USP9X: variants seen among roughly 807,000 people sequenced by gnomAD.
USP9X encodes ubiquitin carboxyl-terminal hydrolase 9X.
Under a neutral mutation model 190.3 loss-of-function variants are expected in USP9X, and 7 were observed. The ratio of observed to expected loss-of-function variants is 0.04; its 90% CI spans 0.02 to 0.07. USP9X has a LOEUF of 0.07. Ranked by LOEUF, USP9X falls within the 10% of genes least tolerant of loss-of-function variation. The pLI, the probability that USP9X is intolerant of heterozygous loss-of-function variation, is 1.00. For missense variants in USP9X, 1,010 were observed against 1,916.9 expected (o/e 0.53, Z 8.83); for synonymous variants, 645 against 659.5 (o/e 0.98, Z 0.34).
intron 1 of USP9X, among the ~76,000 whole-genome samples, chrX:41,100,679 T>A (rs1453722441): frequency 9.0e-6 from 1 of 111,423 alleles, no homozygotes; most frequent in Non-Finnish European, 1.9e-5. Flanking sequence ...GGAGTTTTGC[T>A]CTTGTCACCT....
chrX:41,129,167 A>G, intron 3 of USP9X, 22 bp downstream of exon 3: 1 of 1,196,925 alleles, frequency 8.4e-7, no homozygotes. Context: ...TGTAACACCC[A>G]AGAAAGAGAG....
intron 1 of USP9X, among the ~76,000 whole-genome samples, chrX:41,093,767 A>G (rs149367914): frequency 2.8e-3 from 315 of 112,384 alleles, no homozygotes; most frequent in African/African-American, 9.8e-3. Flanking sequence ...AGTGAATGCA[A>G]TAATTAGAAT....
Position 41,216,465 on chromosome X carries a change from A to T in USP9X, c.5898A>T (p.Ile1966=), listed in dbSNP as rs771783379. The change falls in exon 35 of 45, where the codon ATA becomes ATT. Residue 1966 remains isoleucine, a synonymous_variant. Transcript: ENST00000378308. ...MDTIDQDDEL[I]RYISELAITT... ...CAATAGACCAAGATGATGAGTTGATAAGATATATATCAGAGCTTGCTATCA... is the reference window on the plus strand; with the variant it reads ...CAATAGACCAAGATGATGAGTTGATTAGATATATATCAGAGCTTGCTATCA... 6.8e-5 allele frequency: 82 copies of T among 1,209,417 alleles called. 1 individual carries two copies. The Admixed American group carries it at 1.7e-3, about 26-fold the overall frequency.
intron 39 of USP9X, 150 bp downstream of exon 39, chrX:41,223,552 C>T (rs2063284010): frequency 5.4e-6 from 3 of 550,522 alleles, no homozygotes; most frequent in African/African-American, 4.8e-5. Context: ...ATTCTCCTGC[C>T]TCAGCCTCCC....
chrX:41,184,880 A>C, intron 23 of USP9X: 1 of 363,376 alleles, frequency 2.8e-6, no homozygotes. Flanking sequence ...CTCCCTGCCC[A>C]CTTAAATCTT....
chrX:41,115,451 T>C (rs2062141823), intron 1 of USP9X, among the ~76,000 whole-genome samples: 1 of 111,886 alleles, frequency 8.9e-6, no homozygotes, highest in South Asian at 3.7e-4. Context: ...TAGGCAAAAT[T>C]CACAAGTCAA....
At chrX:41,210,893 G>A (rs1362612178) in intron 33 of USP9X, among the ~76,000 whole-genome samples, 1 of 111,066 alleles carries the variant, frequency 9.0e-6, no homozygotes, top group Non-Finnish European at 1.9e-5. Flanking sequence ...TACTCTGCCT[G>A]ATCTCTTAGC....
intron 5 of USP9X, among the ~76,000 whole-genome samples, chrX:41,135,252 A>G (rs1382287210): frequency 9.0e-6 from 1 of 111,412 alleles, no homozygotes; most frequent in African/African-American, 3.3e-5. Flanking sequence ...TGAACTTGCT[A>G]TGCAGAAAGG....
intron 1 of USP9X, among the ~76,000 whole-genome samples, chrX:41,106,269 T>C (rs1169250326): frequency 9.0e-6 from 1 of 111,518 alleles, no homozygotes; most frequent in African/African-American, 3.3e-5. Context: ...TTTTTTATCT[T>C]ATATTTAGGT....
At chrX:41,208,676 TA>T (rs1385491172) in intron 32 of USP9X, among the ~76,000 whole-genome samples, 3 of 111,465 alleles carry the variant, frequency 2.7e-5, no homozygotes, top group Non-Finnish European at 5.7e-5. Context: ...GTTTTTGGTT[TA>T]TTTTTTTTTT....
Position 41,143,591 on chromosome X carries a change from T to C in USP9X, c.1314+148T>C, listed in dbSNP as rs5918122. 0.47 allele frequency: 191,380 copies of C among 406,908 alleles called. 32,575 individuals are homozygous for C. The highest frequency in any genetic ancestry group is 0.56 in the Middle Eastern group (741 of 1,321). 33.5% of individuals were successfully genotyped at this position (406,908 alleles called of 1,213,427 possible). ...TGCTTGTTACCCTGCCAGGAATCTT[T>C]TTGAAATAACCAATAATCTTTTAAA... On this transcript the variant is annotated intron_variant, in intron 10 of 44. Transcript: ENST00000378308.
At chrX:41,214,473 A>C (rs2063193913) in intron 33 of USP9X, 95 bp from the exon 34 acceptor site, 7 of 876,204 alleles carry the variant, frequency 8.0e-6, no homozygotes, top group Non-Finnish European at 1.1e-5. Context: ...TTAAAGTATA[A>C]TTTAAAAAAA....
In USP9X at chrX:41,184,020, A is replaced by C. The variant is rs761416895; in HGVS notation, c.3171A>C (p.Leu1057Phe). 1.7e-6 allele frequency: 2 copies of C among 1,202,755 alleles called. No homozygotes were observed. Among genetic ancestry groups the C allele is most frequent in the South Asian group, 3.7e-5 (2 of 54,591 alleles). The change falls in exon 22 of 45, where the codon TTA becomes TTC. Residue 1057 changes from leucine to phenylalanine, a missense_variant. Around this residue, in one of 11 missense-constraint regions of USP9X, gnomAD observed 351 missense variants for 480.8 expected, o/e 0.73. Transcript: ENST00000378308. ...MPPDSTTIEK[L>F]RAICLDHAKL... ...CAGATAGCACAACGATAGAAAAATT[A>C]AGAGCTATTTGTTTAGACCATGCCA...
intron 32 of USP9X, among the ~76,000 whole-genome samples, chrX:41,210,245 A>G (rs943461879): frequency 1.8e-5 from 2 of 112,037 alleles, no homozygotes; most frequent in African/African-American, 6.5e-5. Context: ...CGTACTATCC[A>G]TCAATTACAC....
At chrX:41,230,628 C>G in intron 44 of USP9X, 32 bp downstream of exon 44, 2 of 1,129,081 alleles carry the variant, frequency 1.8e-6, no homozygotes, top group Non-Finnish European at 2.4e-6. Context: ...CTTTTATCCC[C>G]TAGAACTGGG....
chrX:41,188,953 C>T (rs1294176236), intron 25 of USP9X, among the ~76,000 whole-genome samples: 2 of 111,914 alleles, frequency 1.8e-5, no homozygotes, highest in Non-Finnish European at 3.8e-5. Flanking sequence ...AGGCAAGCAA[C>T]ATAATGGAAC....
At chrX:41,148,686 C>G in intron 12 of USP9X, 111 bp downstream of exon 12, 3 of 765,127 alleles carry the variant, frequency 3.9e-6, no homozygotes, top group Non-Finnish European at 5.6e-6. Flanking sequence ...AAATGATCTT[C>G]CGGAGTTGAC....
chrX:41,160,178 C>T (rs773488492), intron 14 of USP9X, among the ~76,000 whole-genome samples: 4 of 109,909 alleles, frequency 3.6e-5, no homozygotes, highest in Non-Finnish European at 7.6e-5. Context: ...TCTAATTCTT[C>T]CTGCTGTTTT....
chrX:41,195,668 A>G (rs779341276), intron 26 of USP9X, among the ~76,000 whole-genome samples: 89 of 111,753 alleles, frequency 8.0e-4, no homozygotes, highest in African/African-American at 2.8e-3. Context: ...TTAGATTCTC[A>G]TAAGGGGCAC....
Sources: gnomAD v4.1 joint callset for allele counts (sites outside exome capture counted in the v4.1 genomes callset) on GRCh38, gnomAD v4.1.1 for gene constraint, gnomAD v4.1.1 regional missense constraint, MANE v1.5 for transcripts, NCBI Gene and HGNC (gene_info 2026-07-23, HGNC 2026-07-21) for gene names.